NEURL1: variants seen among roughly 807,000 people sequenced by gnomAD.
The protein encoded by NEURL1 is neuralized E3 ubiquitin protein ligase 1, also known as E3 ubiquitin-protein ligase NEURL1.
NEURL1 carries 26 observed loss-of-function variants against 41.2 expected under a neutral mutation model. The ratio of observed to expected loss-of-function variants is 0.63; its 90% CI spans 0.46 to 0.87. The LOEUF (loss-of-function observed/expected upper bound fraction) is 0.87, where lower values mean the gene tolerates loss of function less well. Ranked by LOEUF, NEURL1 falls within the 40% of genes least tolerant of loss-of-function variation. The pLI is 0.00. For missense variants in NEURL1, 761 were observed against 871.1 expected (o/e 0.87, Z 1.59); for synonymous variants, 400 against 402.3 (o/e 0.99, Z 0.07).
At chr10:103,537,126 C>T (rs2034709259) in intron 1 of NEURL1, among the ~76,000 whole-genome samples, 1 of 152,072 alleles carries the variant, frequency 6.6e-6, no homozygotes, top group Non-Finnish European at 1.5e-5. Flanking sequence ...AATTATATTC[C>T]ATTGTATGTA....
intron 1 of NEURL1, among the ~76,000 whole-genome samples, chr10:103,563,466 G>A (rs925849855): frequency 3.3e-5 from 5 of 152,102 alleles, no homozygotes; most frequent in Admixed American, 6.6e-5. Flanking sequence ...CGCCCAGAAA[G>A]TGAGACGAGA....
chr10:103,500,893 T>C (rs1286726618), intron 1 of NEURL1, among the ~76,000 whole-genome samples: 1 of 151,994 alleles, frequency 6.6e-6, no homozygotes, highest in African/African-American at 2.4e-5. Context: ...CTGAGAACTG[T>C]TGTGACTCTG....
Position 103,566,047 on chromosome 10 carries a change from T to G in NEURL1, c.86-4825T>G, listed in dbSNP as rs190921491. 6.6e-6 allele frequency among the ~76,000 whole-genome samples: 1 copy of G among 152,330 alleles called. No homozygotes were observed. Among genetic ancestry groups the G allele is most frequent in the Admixed American group, 6.5e-5 (1 of 15,300 alleles). On this transcript the variant is annotated intron_variant, in intron 1 of 5. Coordinates refer to ENST00000369780, the MANE Select transcript of NEURL1 (RefSeq NM_004210.5). The surrounding 1 kb of genome is among the most constrained non-coding windows in gnomAD (Gnocchi z 4.2). ...GTGAGTTTTTACAATGTACAAGTTGTGTAACCACTACCCCAGTCTCAAGAT... is the reference window on the plus strand; with the variant it reads ...GTGAGTTTTTACAATGTACAAGTTGGGTAACCACTACCCCAGTCTCAAGAT...
chr10:103,515,409 A>G (rs1403981828), intron 1 of NEURL1: 1 of 152,224 alleles, frequency 6.6e-6, no homozygotes, highest in African/African-American at 2.4e-5. Context: ...GGGACTGGAA[A>G]AGGAAAGAGA....
At chr10:103,579,054 A>T (rs2035729943) in intron 3 of NEURL1, among the ~76,000 whole-genome samples, 1 of 152,204 alleles carries the variant, frequency 6.6e-6, no homozygotes, top group Admixed American at 6.5e-5. Flanking sequence ...CTCTGCCTCA[A>T]AGGAGGCCCC....
At chr10:103,533,540 T>C (rs1211059814) in intron 1 of NEURL1, among the ~76,000 whole-genome samples, 1 of 151,152 alleles carries the variant, frequency 6.6e-6, no homozygotes, top group Non-Finnish European at 1.5e-5. Flanking sequence ...GGACTAATTT[T>C]GTATTTTTTT....
intron 1 of NEURL1, among the ~76,000 whole-genome samples, chr10:103,524,391 A>C (rs949732149): frequency 2.0e-5 from 3 of 152,184 alleles, no homozygotes; most frequent in Admixed American, 6.6e-5. Flanking sequence ...CCTATTCTGC[A>C]GGTGATCTCT....
chr10:103,587,666 C>T (rs74154553), intron 4 of NEURL1, among the ~76,000 whole-genome samples: 4,283 of 152,288 alleles, frequency 0.028, 71 homozygotes, highest in African/African-American at 0.048. Flanking sequence ...CAGCCAGTTC[C>T]ATACTTATTG....
At chr10:103,503,851 C>T (rs578226319) in intron 1 of NEURL1, among the ~76,000 whole-genome samples, 12 of 125,834 alleles carry the variant, frequency 9.5e-5, no homozygotes, top group African/African-American at 2.7e-4. Flanking sequence ...AGTGCAGTGG[C>T]GTGATCACAG....
Position 103,590,233 on chromosome 10 carries a change from T to C in NEURL1, c.1586T>C (p.Val529Ala). 2 of 1,613,848 alleles carry C rather than the reference T, an allele frequency of 1.2e-6. No individual in the cohort carries two copies. The highest frequency in any genetic ancestry group is 1.7e-6 in the Non-Finnish European group (2 of 1,179,922). Reference protein sequence around the residue: ...DECTICYEHAVDTVIYTCGHM... With the variant: ...DECTICYEHAADTVIYTCGHM... ...TGCACCATTTGCTATGAACACGCGG[T>C]GGACACGGTCATCTACACATGTGGC... The change falls in exon 6 of 6, where the codon GTG (valine) becomes GCG (alanine). Residue 529 changes from valine (V) to alanine (A), a missense_variant. Val to Ala is a moderately conservative substitution (Grantham distance 64, BLOSUM62 0). Around this residue, in one of 5 missense-constraint regions of NEURL1, gnomAD observed 45 missense variants for 89.9 expected, o/e 0.50. Transcript: ENST00000369780.
intron 1 of NEURL1, among the ~76,000 whole-genome samples, chr10:103,513,185 G>A (rs1311912563): frequency 1.3e-5 from 2 of 152,088 alleles, no homozygotes; most frequent in African/African-American, 2.4e-5. Flanking sequence ...TGAGCCTCTC[G>A]GGAGGCCTCA....
At chr10:103,527,819 G>A (rs2133857858) in intron 1 of NEURL1, among the ~76,000 whole-genome samples, 3 of 152,274 alleles carry the variant, frequency 2.0e-5, no homozygotes, top group Admixed American at 2.0e-4. Flanking sequence ...GGTTGTAGAG[G>A]GATGAATATC....
At chr10:103,553,771 C>A (rs2035085318) in intron 1 of NEURL1, among the ~76,000 whole-genome samples, 1 of 152,210 alleles carries the variant, frequency 6.6e-6, no homozygotes, top group African/African-American at 2.4e-5. Flanking sequence ...AGCCCCTACC[C>A]CTCTGTCCTC....
rs554506607 is a variant in NEURL1 at position 103,525,358 on chromosome 10, C to CT, written c.85+30899dup. Among the ~76,000 whole-genome samples, 1,186 of 136,082 alleles carry CT rather than the reference C, an allele frequency of 8.7e-3. 19 individuals carry two copies. The highest frequency in any genetic ancestry group is 0.026 in the African/African-American group (983 of 37,222). The allele number at this position is 136,082 out of a possible 152,430, so 89.3% of individuals were successfully genotyped here. A position where few individuals can be genotyped will look rare whatever the true frequency, so the allele number is the denominator to read the frequency against. On this transcript the variant is annotated intron_variant, in intron 1 of 5. Coordinates refer to ENST00000369780, the MANE Select transcript of NEURL1 (RefSeq NM_004210.5). ...TTTTTTCTTTCTTTCTTTCTTTTTT[C>CT]TTTTTTTTTTTTTGAGACAGACTTT...
intron 1 of NEURL1, among the ~76,000 whole-genome samples, chr10:103,559,467 G>A (rs1404844523): frequency 3.9e-5 from 6 of 152,238 alleles, no homozygotes; most frequent in Admixed American, 2.0e-4. Context: ...TGGAGCTGAA[G>A]GTGGCCTGAG....
At chr10:103,529,752 G>A (rs1380985230) in intron 1 of NEURL1, among the ~76,000 whole-genome samples, 1 of 152,174 alleles carries the variant, frequency 6.6e-6, no homozygotes, top group African/African-American at 2.4e-5. Context: ...GCTAAAAGCT[G>A]TAAATAATTG....
intron 1 of NEURL1, among the ~76,000 whole-genome samples, chr10:103,540,537 A>C (rs1305929671): frequency 6.6e-6 from 1 of 152,024 alleles, no homozygotes; most frequent in Non-Finnish European, 1.5e-5. Flanking sequence ...TGATCTGCTC[A>C]CCTCAGCCTC....
intron 1 of NEURL1, among the ~76,000 whole-genome samples, chr10:103,531,725 G>T (rs2034578211): frequency 6.6e-6 from 1 of 150,922 alleles, no homozygotes; most frequent in Admixed American, 6.6e-5. Context: ...TCACTATGTT[G>T]CCCAGGCTGG....
intron 1 of NEURL1, among the ~76,000 whole-genome samples, chr10:103,517,729 C>G (rs574640397): frequency 5.3e-5 from 8 of 152,242 alleles, no homozygotes; most frequent in Non-Finnish European, 1.2e-4. Flanking sequence ...CCTGCAGCAG[C>G]TCTTTGAGTG....
Sources: allele counts gnomAD v4.1 joint callset (sites outside exome capture counted in the v4.1 genomes callset), GRCh38; gene constraint gnomAD v4.1.1; regional missense constraint gnomAD v4.1.1; non-coding constraint Gnocchi (gnomAD v3.1); transcripts MANE v1.5; gene names NCBI Gene and HGNC (gene_info 2026-07-23, HGNC 2026-07-21).